The following CCDC102B variants were observed in gnomAD, a reference collection of about 807,000 sequenced individuals.
The protein encoded by CCDC102B is coiled-coil domain-containing protein 102B.
Under a neutral mutation model 57.4 loss-of-function variants are expected in CCDC102B, and 75 were observed. The observed-to-expected ratio is 1.31, with a 90% CI of 1.08 to 1.58. CCDC102B has a LOEUF of 1.58. CCDC102B is among the 40% of genes most tolerant of loss of function. CCDC102B has a pLI of 0.00. For synonymous variants in CCDC102B, 206 were observed against 201.9 expected, an observed-to-expected ratio of 1.02 and a Z score of -0.17; for missense variants, 636 against 582.6, an observed-to-expected ratio of 1.09 and a Z score of -0.94.
At chr18:68,750,598 A>G (rs1354743101) in intron 2 of CCDC102B, among the ~76,000 whole-genome samples, 1 of 152,198 alleles carries the variant, frequency 6.6e-6, no homozygotes, top group East Asian at 1.9e-4. Context: ...GCACATATAC[A>G]TCATGGAATA....
chr18:68,905,519 C>G (rs903991297), intron 6 of CCDC102B, among the ~76,000 whole-genome samples: 1 of 151,218 alleles, frequency 6.6e-6, no homozygotes, highest in African/African-American at 2.4e-5. Flanking sequence ...AATTTCATAA[C>G]ATAAAATTAA....
intron 1 of CCDC102B, among the ~76,000 whole-genome samples, chr18:68,835,418 A>G (rs1026224476): frequency 1.3e-5 from 2 of 152,088 alleles, no homozygotes; most frequent in South Asian, 2.1e-4. Context: ...ACAAATGCAC[A>G]TATTTGTTAT....
intron 5 of CCDC102B, among the ~76,000 whole-genome samples, chr18:68,887,724 G>A (rs1033188377): frequency 6.6e-6 from 1 of 152,134 alleles, no homozygotes; most frequent in African/African-American, 2.4e-5. Context: ...CAATATTTTT[G>A]TCCAGAATCC....
chr18:68,962,681 A>C (rs2050074356), intron 6 of CCDC102B, among the ~76,000 whole-genome samples: 1 of 152,070 alleles, frequency 6.6e-6, no homozygotes, highest in Non-Finnish European at 1.5e-5. Flanking sequence ...TTATCTTCTA[A>C]GAGCTTACAG....
intron 7 of CCDC102B, among the ~76,000 whole-genome samples, chr18:69,036,103 A>AT: frequency 6.6e-6 from 1 of 152,274 alleles, no homozygotes; most frequent in East Asian, 1.9e-4. Context: ...AACTGCTTCC[A>AT]TTGGGATTTA....
intron 6 of CCDC102B, among the ~76,000 whole-genome samples, chr18:68,953,668 A>G (rs2145203084): frequency 6.6e-6 from 1 of 152,222 alleles, no homozygotes; most frequent in Non-Finnish European, 1.5e-5. Context: ...TTAACACTGG[A>G]AAATTTGAGA....
intron 4 of CCDC102B, among the ~76,000 whole-genome samples, chr18:68,861,248 T>C (rs1208078108): frequency 5.3e-5 from 8 of 152,052 alleles, no homozygotes; most frequent in Admixed American, 5.2e-4. Context: ...TTTTGACGAC[T>C]ACCGTGCTTA....
intron 6 of CCDC102B, among the ~76,000 whole-genome samples, chr18:68,904,236 TAA>T (rs2040548696): frequency 6.6e-6 from 1 of 152,154 alleles, no homozygotes; most frequent in African/African-American, 2.4e-5. Context: ...ATGTAGCTGT[TAA>T]TAAAAATTTA....
chr18:68,882,609 T>C (rs942997642), intron 5 of CCDC102B, among the ~76,000 whole-genome samples: 3 of 152,234 alleles, frequency 2.0e-5, no homozygotes, highest in Non-Finnish European at 4.4e-5. Context: ...TAACTATTAT[T>C]CCAGGCTCAT....
chr18:69,056,545 C>CT (rs1299284434), downstream of CCDC102B, among the ~76,000 whole-genome samples: 2 of 151,716 alleles, frequency 1.3e-5, no homozygotes, highest in African/African-American at 4.8e-5. Flanking sequence ...AATAAATGAC[C>CT]TTTTTGCCTT....
chr18:68,761,719 G>A (rs554184401), intron 2 of CCDC102B, among the ~76,000 whole-genome samples: 9 of 152,086 alleles, frequency 5.9e-5, no homozygotes, highest in African/African-American at 2.2e-4. Flanking sequence ...CTTTTTATAA[G>A]TGTTTTAAAA....
intron 6 of CCDC102B, among the ~76,000 whole-genome samples, chr18:68,911,315 T>C (rs969546370): frequency 2.0e-5 from 3 of 152,166 alleles, no homozygotes; most frequent in African/African-American, 7.2e-5. Context: ...GCTATTATCT[T>C]TAGCCAGCTA....
At chr18:68,727,693 C>A (rs1487272803) in intron 2 of CCDC102B, among the ~76,000 whole-genome samples, 1 of 152,180 alleles carries the variant, frequency 6.6e-6, no homozygotes, top group Non-Finnish European at 1.5e-5. Flanking sequence ...TTACAGGTGA[C>A]AATTCCAGAA....
At chr18:68,852,556 A>G (rs1432794807) in intron 4 of CCDC102B, among the ~76,000 whole-genome samples, 1 of 152,150 alleles carries the variant, frequency 6.6e-6, no homozygotes, top group Non-Finnish European at 1.5e-5. Flanking sequence ...TGTGGAGTCA[A>G]CATAGCACTT....
intron 6 of CCDC102B, among the ~76,000 whole-genome samples, chr18:68,945,712 G>A (rs1841583437): frequency 6.6e-6 from 1 of 152,036 alleles, no homozygotes; most frequent in African/African-American, 2.4e-5. Context: ...ATTTGTCCTT[G>A]TTTATTCCTA....
intron 6 of CCDC102B, among the ~76,000 whole-genome samples, chr18:68,989,318 GATT>G (rs2145318313): frequency 6.6e-6 from 1 of 152,224 alleles, no homozygotes; most frequent in Non-Finnish European, 1.5e-5. Flanking sequence ...TGAAAATGAA[GATT>G]AACATACCAA....
At chr18:68,975,039 G>A (rs896189223) in intron 6 of CCDC102B, among the ~76,000 whole-genome samples, 3 of 151,832 alleles carry the variant, frequency 2.0e-5, no homozygotes, top group South Asian at 2.1e-4. Context: ...CCCAAGAATC[G>A]TAAGACTCAC....
chr18:68,756,441 T>C (rs1480876790), intron 2 of CCDC102B, among the ~76,000 whole-genome samples: 2 of 152,140 alleles, frequency 1.3e-5, no homozygotes, highest in Non-Finnish European at 2.9e-5. Context: ...TATCTTCTAT[T>C]TATTCTACTA....
intron 6 of CCDC102B, among the ~76,000 whole-genome samples, chr18:68,942,308 T>G (rs2049399876): frequency 6.6e-6 from 1 of 152,068 alleles, no homozygotes; most frequent in Admixed American, 6.6e-5. Flanking sequence ...TGGGCGTTTC[T>G]CGTCAGGTGG....
Sources: allele counts gnomAD v4.1 joint callset (sites outside exome capture counted in the v4.1 genomes callset), GRCh38; gene constraint gnomAD v4.1.1; transcripts MANE v1.5; gene names NCBI Gene and HGNC (gene_info 2026-07-23, HGNC 2026-07-21).